The following FAT3 variants were observed in gnomAD, a reference collection of about 807,000 sequenced individuals.
The protein encoded by FAT3 is FAT atypical cadherin 3.
Under a neutral mutation model 310.2 loss-of-function variants are expected in FAT3, and 95 were observed. The ratio of observed to expected loss-of-function variants is 0.31; its 90% CI spans 0.26 to 0.36. The LOEUF is 0.36. Among genes scored for constraint, FAT3 ranks in the 10% least tolerant of loss-of-function variants. The pLI, the probability that FAT3 is intolerant of heterozygous loss-of-function variation, is 1.00. For missense variants in FAT3, 5,408 were observed against 5,715.6 expected (o/e 0.95, Z 1.74); for synonymous variants, 2,314 against 2,192.9 (o/e 1.06, Z -1.54).
chr11:92,343,916 T>C (rs868131064), intron 1 of FAT3, among the ~76,000 whole-genome samples: 1 of 152,146 alleles, frequency 6.6e-6, no homozygotes, highest in African/African-American at 2.4e-5. Context: ...TTAGACTCAA[T>C]GTTGACCCAA....
intron 3 of FAT3, among the ~76,000 whole-genome samples, chr11:92,651,695 G>C (rs1020327103): frequency 9.9e-5 from 15 of 152,160 alleles, no homozygotes; most frequent in African/African-American, 2.9e-4. Context: ...AAAATGGTCA[G>C]TCCCCTGCAC....
At chr11:92,587,939 A>G (rs938373783) in intron 3 of FAT3, among the ~76,000 whole-genome samples, 7 of 152,008 alleles carry the variant, frequency 4.6e-5, no homozygotes, top group Non-Finnish European at 8.8e-5. Flanking sequence ...GTTCCTTAAT[A>G]GTGGAATAAA....
chr11:92,451,168 T>C (rs1466835906), intron 2 of FAT3, among the ~76,000 whole-genome samples: 1 of 152,152 alleles, frequency 6.6e-6, no homozygotes, highest in Non-Finnish European at 1.5e-5. Flanking sequence ...GAAAGAGAAT[T>C]GCCTTACTGC....
chr11:92,766,056 A>G (rs1946301759), intron 6 of FAT3, among the ~76,000 whole-genome samples: 1 of 152,090 alleles, frequency 6.6e-6, no homozygotes, highest in African/African-American at 2.4e-5. Flanking sequence ...CCTCCCCCGC[A>G]AGCCGAATAG....
At chr11:92,850,538 C>T (rs1158410964) in intron 19 of FAT3, among the ~76,000 whole-genome samples, 4 of 152,172 alleles carry the variant, frequency 2.6e-5, no homozygotes, top group Non-Finnish European at 5.9e-5. Flanking sequence ...TTGAGACTTC[C>T]GTTTTTTAAA....
chr11:92,798,323 C>CT lies in FAT3; in HGVS notation c.5314dup (p.Ser1772PhefsTer9). 1 of 1,613,740 alleles carries CT rather than the reference C, an allele frequency of 6.2e-7. No homozygotes were observed. ...AAAATGATAATGCCCCAGTTTTTCT[C>CT]TTTTCTCAATACTCAGGCAGCCTAA... On this transcript the variant is annotated frameshift_variant, in exon 10 of 28. Transcript: ENST00000525166. LOFTEE classifies it high-confidence loss of function.
Position 92,352,430 on chromosome 11 carries a change from A to G in FAT3, c.318A>G (p.Arg106=). The stretch of plus-strand genomic sequence containing the variant: ...TCATTGCAGATTTCTGTTTTCTCAG[A>G]ATAAGAACTAAAGGTGGCAATTCTG... ...EVIIADFCFL[R]IRTKGGNSAI... is the part of the protein sequence containing the mutation. The change falls in exon 2 of 28, where the codon AGA becomes AGG. Residue 106 remains arginine, a synonymous_variant. Coordinates refer to ENST00000525166, the MANE Select transcript of FAT3 (RefSeq NM_001367949.2). 1 of 1,612,316 alleles carries G rather than the reference A, an allele frequency of 6.2e-7. No homozygotes were observed. The highest frequency in any genetic ancestry group is 8.5e-7 in the Non-Finnish European group (1 of 1,179,380).
At chr11:92,519,805 A>G (rs1953622773) in intron 2 of FAT3, among the ~76,000 whole-genome samples, 1 of 152,144 alleles carries the variant, frequency 6.6e-6, no homozygotes, top group African/African-American at 2.4e-5. Flanking sequence ...TGCAAATGAA[A>G]ACTTCAATGA....
intron 3 of FAT3, among the ~76,000 whole-genome samples, chr11:92,616,835 C>T (rs561877812): frequency 7.2e-5 from 11 of 152,216 alleles, no homozygotes; most frequent in Non-Finnish European, 8.8e-5. Context: ...GAGTTTCTGC[C>T]GAGAGATCTG....
chr11:92,830,770 A>G (rs1488937655), intron 13 of FAT3, among the ~76,000 whole-genome samples: 3 of 152,118 alleles, frequency 2.0e-5, no homozygotes, highest in African/African-American at 7.2e-5. Flanking sequence ...TGCTCAGGCC[A>G]AAACCTAAGG....
chr11:92,281,198 T>C (rs1946411444), intron 1 of FAT3, among the ~76,000 whole-genome samples: 1 of 152,154 alleles, frequency 6.6e-6, no homozygotes, highest in Non-Finnish European at 1.5e-5. Flanking sequence ...TGTATATGTC[T>C]TTCCATTTGT....
chr11:92,259,118 T>C (rs1865436354), intron 1 of FAT3, among the ~76,000 whole-genome samples: 1 of 152,086 alleles, frequency 6.6e-6, no homozygotes, highest in Admixed American at 6.6e-5. Flanking sequence ...TATTAAGTGG[T>C]TGTGCCCCTC....
At chr11:92,278,810 G>A (rs1946347826) in intron 1 of FAT3, among the ~76,000 whole-genome samples, 1 of 152,150 alleles carries the variant, frequency 6.6e-6, no homozygotes, top group Admixed American at 6.6e-5. Flanking sequence ...GTAAAGGTAT[G>A]GAGCTAGAGG....
At chr11:92,631,018 G>T (rs1941539044) in intron 3 of FAT3, among the ~76,000 whole-genome samples, 1 of 152,146 alleles carries the variant, frequency 6.6e-6, no homozygotes, top group Non-Finnish European at 1.5e-5. Context: ...AATGTGAATT[G>T]CCAGCAACCA....
chr11:92,688,975 T>G (rs1165327818), intron 3 of FAT3, among the ~76,000 whole-genome samples: 1 of 152,162 alleles, frequency 6.6e-6, no homozygotes, highest in Non-Finnish European at 1.5e-5. Context: ...GGAAGCAAAG[T>G]TAAACCATTG....
chr11:92,429,776 T>G (rs1950724198), intron 2 of FAT3, among the ~76,000 whole-genome samples: 1 of 152,202 alleles, frequency 6.6e-6, no homozygotes, highest in Non-Finnish European at 1.5e-5. Flanking sequence ...CCTTTGTGGG[T>G]AACCCAACCT....
At chr11:92,344,877 A>G (rs537926136) in intron 1 of FAT3, among the ~76,000 whole-genome samples, 7 of 152,266 alleles carry the variant, frequency 4.6e-5, no homozygotes, top group African/African-American at 1.7e-4. Context: ...GGGGGAGGGC[A>G]CTATATCTAC....
At chr11:92,705,478 ATAG>A (rs1944264055) in intron 4 of FAT3, among the ~76,000 whole-genome samples, 2 of 15,608 alleles carry the variant, frequency 1.3e-4, no homozygotes, top group Admixed American at 6.4e-4. Context: ...TGGTGGTGTG[ATAG>A]TGGTGTGATG....
chr11:92,547,853 T>G (rs969437669), intron 3 of FAT3, among the ~76,000 whole-genome samples: 10 of 152,140 alleles, frequency 6.6e-5, no homozygotes, highest in African/African-American at 2.2e-4. Context: ...TTCCTGGAAC[T>G]AGAGTTTGGT....
Sources: gnomAD v4.1 joint callset for allele counts (sites outside exome capture counted in the v4.1 genomes callset) on GRCh38, gnomAD v4.1.1 for gene constraint, MANE v1.5 for transcripts, NCBI Gene and HGNC (gene_info 2026-07-23, HGNC 2026-07-21) for gene names.